The following PDS5A variants were observed in gnomAD, a reference collection of about 807,000 sequenced individuals.
The protein encoded by PDS5A is PDS5 cohesin associated factor A, also known as sister chromatid cohesion protein PDS5 homolog A.
PDS5A carries 42 observed loss-of-function variants against 167.1 expected under a neutral mutation model. The observed-to-expected ratio is 0.25, with a 90% CI of 0.20 to 0.33. The LOEUF (loss-of-function observed/expected upper bound fraction) is 0.33, where lower values mean the gene tolerates loss of function less well. Among genes scored for constraint, PDS5A ranks in the 10% least tolerant of loss-of-function variants. The pLI is 1.00. For synonymous variants in PDS5A, 553 were observed against 554.6 expected, an observed-to-expected ratio of 1.00 and a Z score of 0.04; for missense variants, 1,033 against 1,605.9, an observed-to-expected ratio of 0.64 and a Z score of 6.10.
In PDS5A at chr4:39,925,895, T is replaced by C. The variant is rs1363920624; in HGVS notation, c.468A>G (p.Glu156=). 3.3e-6 allele frequency: 5 copies of C among 1,513,992 alleles called. No individual in the cohort carries two copies. The highest frequency in any genetic ancestry group is 4.5e-6 in the Non-Finnish European group (5 of 1,106,818). 93.8% of individuals were successfully genotyped at this position (1,513,992 alleles called of 1,614,324 possible). Residue 156 remains glutamate, a synonymous_variant, in exon 5 of 33, where the codon GAA becomes GAG. Transcript: ENST00000303538. ...AWVKSYNICF[E]LEDCNEIFIQ... ...TAAAAATTTCATTGCAATCTTCCAATTCAAAGCAGATGTTATATGATTTAA... is the reference window on the plus strand; with the variant it reads ...TAAAAATTTCATTGCAATCTTCCAACTCAAAGCAGATGTTATATGATTTAA...
chr4:39,851,065 T>C lies in PDS5A; in HGVS notation c.3087-1413A>G, dbSNP rs190612715. 6.6e-3 allele frequency among the ~76,000 whole-genome samples: 1,009 copies of C among 152,292 alleles called. 7 individuals carry two copies. Among genetic ancestry groups the C allele is most frequent in the Middle Eastern group, 0.014 (4 of 294 alleles). On this transcript the variant is annotated intron_variant, in intron 26 of 32. Coordinates refer to ENST00000303538, the MANE Select transcript of PDS5A (RefSeq NM_001100399.2). ...TAGTTGGTTGTTTCAATAATATTTA[T>C]TAACTTAGGCAAAGAGTTGTCAACT...
intron 5 of PDS5A, among the ~76,000 whole-genome samples, chr4:39,923,821 AAACT>A (rs1361852387): frequency 6.6e-6 from 1 of 152,162 alleles, no homozygotes; most frequent in Non-Finnish European, 1.5e-5. Flanking sequence ...TAAATTCCTC[AAACT>A]AAGATAAAAA....
In PDS5A at chr4:39,844,734, A is replaced by C; in HGVS notation, c.3470T>G (p.Val1157Gly). The C allele has an allele frequency of 6.2e-7, 1 of 1,613,682 alleles. No homozygotes were observed. The highest frequency in any genetic ancestry group is 1.1e-5 in the South Asian group (1 of 91,074). ...TCCAGTCTCAGTGCCAGTGCTTCTA[A>C]CATAGGGTTTCCTTCCCGTTGCTGA... is the stretch of plus-strand genomic sequence containing the variant. ...PLSATGRKPY[V>G]RSTGTETGSN... Residue 1157 changes from valine to glycine, a missense_variant, in exon 30 of 33, where the codon GTT becomes GGT. Val to Gly is a moderately radical substitution (Grantham distance 109). This residue lies in a region of PDS5A where 233 missense variants were observed against 264.0 expected (regional missense o/e 0.88). Coordinates refer to ENST00000303538, the MANE Select transcript of PDS5A (RefSeq NM_001100399.2).
rs189734574 is a variant in PDS5A at position 39,900,847 on chromosome 4, G to A, written c.1500-340C>T. ...AAAACAAACTGAAAAACATGTATAC[G>A]CTTGGAGCACAAGGCATGTGTGTGG... On this transcript the variant is annotated intron_variant, in intron 13 of 32. Transcript: ENST00000303538. Among the ~76,000 whole-genome samples the A allele has an allele frequency of 3.3e-3, 505 of 151,550 alleles. 1 individual carries two copies. The highest frequency in any genetic ancestry group is 5.7e-3 in the Non-Finnish European group (387 of 68,024).
At chr4:39,831,061 C>T (rs1434884613) in intron 32 of PDS5A, among the ~76,000 whole-genome samples, 6 of 152,202 alleles carry the variant, frequency 3.9e-5, no homozygotes, top group African/African-American at 1.4e-4. Flanking sequence ...AATGATAGTA[C>T]TGGGGAGAAT....
At chr4:39,861,160 G>T (rs1217333480) in intron 26 of PDS5A, among the ~76,000 whole-genome samples, 1 of 151,470 alleles carries the variant, frequency 6.6e-6, no homozygotes, top group Non-Finnish European at 1.5e-5. Context: ...AAGGGAAGGG[G>T]GAATAAAGAG....
intron 8 of PDS5A, among the ~76,000 whole-genome samples, chr4:39,916,311 C>CAA (rs1200049408): frequency 3.9e-5 from 6 of 152,042 alleles, no homozygotes; most frequent in African/African-American, 1.4e-4. Context: ...ATTACTTGCT[C>CAA]AGTTGTCTAT....
Position 39,825,150 on chromosome 4 carries a change from G to A in PDS5A, c.*335C>T, listed in dbSNP as rs1715177202. On this transcript the variant is annotated 3_prime_UTR_variant, in exon 33 of 33. Coordinates refer to ENST00000303538, the MANE Select transcript of PDS5A (RefSeq NM_001100399.2). ...AAAAACTGCAGCGTGGAAATTAATGGTGTATTACGCATTTAAACTCCAGAT... is the reference window on the plus strand; with the variant it reads ...AAAAACTGCAGCGTGGAAATTAATGATGTATTACGCATTTAAACTCCAGAT... The A allele has an allele frequency of 4.2e-6, 1 of 238,270 alleles. No individual in the cohort carries two copies. The highest frequency in any genetic ancestry group is 8.0e-6 in the Non-Finnish European group (1 of 124,756). 14.8% of individuals were successfully genotyped at this position (238,270 alleles called of 1,614,324 possible).
intron 2 of PDS5A, among the ~76,000 whole-genome samples, chr4:39,945,483 T>TAAAAAAAAAAAAAAAAAAA (rs770327279): frequency 7.4e-6 from 1 of 135,914 alleles, no homozygotes; most frequent in East Asian, 2.4e-4. Flanking sequence ...AAAAAAAAAT[T>TAAAAAAAAAAAAAAAAAAA]AAATGCAGGC....
chr4:39,878,322 G>A (rs1487289153), intron 18 of PDS5A, among the ~76,000 whole-genome samples: 4 of 152,240 alleles, frequency 2.6e-5, no homozygotes, highest in Non-Finnish European at 4.4e-5. Flanking sequence ...CTGGCCGGGC[G>A]CGGTGGCTCA....
intron 26 of PDS5A, among the ~76,000 whole-genome samples, chr4:39,849,927 G>T (rs1717967054): frequency 6.6e-6 from 1 of 152,014 alleles, no homozygotes; most frequent in South Asian, 2.1e-4. Context: ...ATGGTGGCTC[G>T]TGCCTATAAC....
In PDS5A at chr4:39,825,132, G is replaced by T; in HGVS notation, c.*353C>A. 4.9e-6 allele frequency: 1 copy of T among 205,670 alleles called. No homozygotes were observed. 12.7% of individuals were successfully genotyped at this position (205,670 alleles called of 1,614,324 possible). ...TGTTACTTTCTTTAAAATAAAAACT[G>T]CAGCGTGGAAATTAATGGTGTATTA... is the stretch of plus-strand genomic sequence containing the variant. On this transcript the variant is annotated 3_prime_UTR_variant, in exon 33 of 33. Coordinates refer to ENST00000303538, the MANE Select transcript of PDS5A (RefSeq NM_001100399.2).
intron 11 of PDS5A, among the ~76,000 whole-genome samples, chr4:39,904,869 C>A (rs754878518): frequency 1.2e-4 from 18 of 152,118 alleles, no homozygotes; most frequent in Non-Finnish European, 2.2e-4. Flanking sequence ...TCATTTGATT[C>A]TATTGAAAGA....
chr4:39,848,940 A>C lies in PDS5A; in HGVS notation c.3250T>G (p.Cys1084Gly). ...KLYTVCDVALCVINSKSALCN... is the reference protein window; with the variant it reads ...KLYTVCDVALGVINSKSALCN... ...AAAGCACTTTTACTATTTATAACAC[A>C]GAGAGCCACATCACATACTGTATAC... The change falls in exon 28 of 33, where the codon TGT becomes GGT. Residue 1084 changes from cysteine to glycine, a missense_variant. By Grantham distance (159) the Cys-to-Gly change is radical (BLOSUM62 -3). Around this residue, in one of 4 missense-constraint regions of PDS5A, gnomAD observed 367 missense variants for 686.7 expected, o/e 0.53. Transcript: ENST00000303538. 1 of 1,602,992 alleles carries C rather than the reference A, an allele frequency of 6.2e-7. No individual in the cohort carries two copies. Among genetic ancestry groups the C allele is most frequent in the South Asian group, 1.1e-5 (1 of 89,568 alleles).
At chr4:39,943,123 TACACAC>T (rs35361618) in intron 2 of PDS5A, among the ~76,000 whole-genome samples, 19,902 of 144,648 alleles carry the variant, frequency 0.14, 1,342 homozygotes, top group Admixed American at 0.18. Flanking sequence ...ACTATGCAAA[TACACAC>T]ACACACACAC....
intron 2 of PDS5A, among the ~76,000 whole-genome samples, chr4:39,944,195 A>T (rs1727522260): frequency 6.6e-6 from 1 of 151,784 alleles, no homozygotes; most frequent in East Asian, 1.9e-4. Flanking sequence ...AAAAAAAAAA[A>T]AAAATACACT....
At chr4:39,948,416 C>G (rs1405227527) in intron 2 of PDS5A, among the ~76,000 whole-genome samples, 3 of 149,476 alleles carry the variant, frequency 2.0e-5, no homozygotes, top group Non-Finnish European at 3.0e-5. Context: ...ACCTCCGCCT[C>G]CCGGGTTCAA....
At chr4:39,942,788 A>C (rs1560504221) in intron 2 of PDS5A, among the ~76,000 whole-genome samples, 1 of 152,064 alleles carries the variant, frequency 6.6e-6, no homozygotes, top group African/African-American at 2.4e-5. Flanking sequence ...ATTATGAAGC[A>C]ATTATTTTAC....
At chr4:39,825,567 T>A (rs548780472) in intron 32 of PDS5A, 79 bp from the exon 33 acceptor site, 4 of 1,063,314 alleles carry the variant, frequency 3.8e-6, no homozygotes, top group Non-Finnish European at 4.0e-6. Context: ...TTCATTTCCA[T>A]AGTTGTTATC....
Sources: allele counts gnomAD v4.1 joint callset (sites outside exome capture counted in the v4.1 genomes callset), GRCh38; gene constraint gnomAD v4.1.1; regional missense constraint gnomAD v4.1.1; transcripts MANE v1.5; gene names NCBI Gene and HGNC (gene_info 2026-07-23, HGNC 2026-07-21).